Variants in TNXB observed in about 807,000 individuals in gnomAD.
The protein encoded by TNXB is tenascin-X.
Under a neutral mutation model 340.5 loss-of-function variants are expected in TNXB, and 183 were observed. The observed-to-expected ratio is 0.54, with a 90% CI of 0.48 to 0.61. TNXB has a LOEUF of 0.61. Ranked by LOEUF, TNXB falls within the 20% of genes least tolerant of loss-of-function variation. The pLI is 0.00. For synonymous variants in TNXB, 2,121 were observed against 2,314.5 expected, an observed-to-expected ratio of 0.92 and a Z score of 2.40; for missense variants, 4,613 against 5,446.4, an observed-to-expected ratio of 0.85 and a Z score of 4.82.
chr6:32,086,039 A>G lies in TNXB; in HGVS notation c.2859T>C (p.Ala953=). The stretch of plus-strand genomic sequence containing the variant: ...CCTGGGGGCGCTGCTGCAGGAGAGG[A>G]GCCTGGGCCCCTTGCGTCGTCGAGG... ...SGPSTTQGAQ[A]PLLQQRPQEL... is the part of the protein sequence containing the mutation. The change falls in exon 7 of 44, where the codon GCT becomes GCC. Residue 953 remains alanine, a synonymous_variant. Transcript: ENST00000644971. The G allele has an allele frequency of 7.5e-6, 12 of 1,604,082 alleles. No homozygotes were observed. Among genetic ancestry groups the G allele is most frequent in the Non-Finnish European group, 1.0e-5 (12 of 1,177,094 alleles).
chr6:32,089,225 G>A lies in TNXB; in HGVS notation c.2513C>T (p.Thr838Ile), dbSNP rs540991019. ...WGLPASKTIT[T>I]MIDGPQDLRV... is the part of the protein sequence containing the mutation. The stretch of plus-strand genomic sequence containing the variant: ...CTCCCCACAGCCCCAGCTCTCACTG[G>A]TGGTGATGGTCTTGGAGGCAGGAAG... Residue 838 changes from threonine to isoleucine, a missense_variant and splice_region_variant, in exon 5 of 44, where the codon ACC becomes ATC. Physicochemically the swap from Thr to Ile is moderately conservative, Grantham distance 89 (BLOSUM62 -1). Coordinates refer to ENST00000644971, the MANE Select transcript of TNXB (RefSeq NM_001365276.2). This position sits in a 1 kb window ranked among gnomAD's most constrained non-coding sequence, Gnocchi z 6.2. The A allele has an allele frequency of 6.3e-6, 10 of 1,598,360 alleles. No homozygotes were observed. The highest frequency in any genetic ancestry group is 5.6e-5 in the South Asian group (5 of 88,998).
Position 32,096,265 on chromosome 6 carries a change from C to A in TNXB, c.1588G>T (p.Gly530Trp), listed in dbSNP as rs868431028. ...CAAAGGCCGTGCCCACGGCAGTCCC[C>A]GGGACAGCGACGGCTCCCACAGTCC... ...GEDCGSRRCP[G>W]DCRGHGLCED... Residue 530 changes from glycine (G) to tryptophan (W), a missense_variant, in exon 3 of 44, where the codon GGG becomes TGG. Transcript: ENST00000644971. 3.2e-6 allele frequency: 5 copies of A among 1,563,124 alleles called. No homozygotes were observed. The African/African-American group carries it at 6.8e-5, about 21-fold the overall frequency.
Position 32,085,601 on chromosome 6 carries a change from C to T in TNXB, c.3148+149G>A. On this transcript the variant is annotated intron_variant, in intron 7 of 43. Transcript: ENST00000644971. The surrounding 1 kb of genome is among the most constrained non-coding windows in gnomAD (Gnocchi z 6.4). ...CATCTTCCTGCTGAACCTGCAATTC[C>T]TTTTCTCTCCTTTTCTCCTCTATCC... The T allele has an allele frequency of 1.1e-6, 1 of 910,760 alleles. No individual in the cohort carries two copies. The allele number at this position is 910,760 out of a possible 1,614,324, so 56.4% of individuals were successfully genotyped here.
rs1419368068 is a variant in TNXB at position 32,085,272 on chromosome 6, T to C, written c.3148+478A>G. On this transcript the variant is annotated intron_variant, in intron 7 of 43. Transcript: ENST00000644971. The surrounding 1 kb of genome is among the most constrained non-coding windows in gnomAD (Gnocchi z 6.4). ...AGGAGCCTTCACCCCCAGCAGAAACTGGCTGATGGGACCATGGACTGCTGT... is the reference window on the plus strand; with the variant it reads ...AGGAGCCTTCACCCCCAGCAGAAACCGGCTGATGGGACCATGGACTGCTGT... Among the ~76,000 whole-genome samples, 2 of 152,140 alleles carry C rather than the reference T, an allele frequency of 1.3e-5. No homozygotes were observed. Among genetic ancestry groups the C allele is most frequent in the Non-Finnish European group, 2.9e-5 (2 of 68,028 alleles).
chr6:32,094,777 C>T (rs993203687), intron 4 of TNXB, among the ~76,000 whole-genome samples: 3 of 152,150 alleles, frequency 2.0e-5, no homozygotes, highest in Admixed American at 6.5e-5. Flanking sequence ...TAGGGGCAGA[C>T]GGATTCTGCA....
intron 26 of TNXB, among the ~76,000 whole-genome samples, chr6:32,050,711 T>C (rs771778785): frequency 2.0e-4 from 30 of 151,968 alleles, no homozygotes; most frequent in Non-Finnish European, 4.0e-4. Context: ...GAGCCTGGGG[T>C]GTGTTCCTGG....
At position 32,097,197 on chromosome 6, in the gene TNXB, G is replaced by T. The variant is rs1477309355; in HGVS notation, c.656C>A (p.Pro219His). Residue 219 changes from proline to histidine, a missense_variant, in exon 3 of 44, where the codon CCC becomes CAC. Coordinates refer to ENST00000644971, the MANE Select transcript of TNXB (RefSeq NM_001365276.2). The surrounding 1 kb of genome is among the most constrained non-coding windows in gnomAD (Gnocchi z 5.9). ...TGPSCGWPSC[P>H]GDCQGRGRCV... is the part of the protein sequence containing the mutation. ...GCGCCCACGGCCTTGGCAGTCCCCGGGACAGGATGGCCAGCCACAGCTGGG... is the reference window on the plus strand; with the variant it reads ...GCGCCCACGGCCTTGGCAGTCCCCGTGACAGGATGGCCAGCCACAGCTGGG... 1 of 1,596,552 alleles carries T rather than the reference G, an allele frequency of 6.3e-7. No individual in the cohort carries two copies. Among genetic ancestry groups the T allele is most frequent in the Non-Finnish European group, 8.5e-7 (1 of 1,172,178 alleles).
rs544917997 is a variant in TNXB at position 32,053,852 on chromosome 6, T to C, written c.8468-141A>G. 893 of 1,012,572 alleles carry C rather than the reference T, an allele frequency of 8.8e-4. 6 individuals are homozygous for C. The highest frequency in any genetic ancestry group is 4.7e-3 in the South Asian group (284 of 59,834). The allele number at this position is 1,012,572 out of a possible 1,614,324, so 62.7% of individuals were successfully genotyped here. A position where few individuals can be genotyped will look rare whatever the true frequency, so the allele number is the denominator to read the frequency against. ...CAGCACAGCTCTTCATCCTCTCCTCTCCTGCGGCCTTTCCTATCCCTCACC... is the reference window on the plus strand; with the variant it reads ...CAGCACAGCTCTTCATCCTCTCCTCCCCTGCGGCCTTTCCTATCCCTCACC... On this transcript the variant is annotated intron_variant, in intron 24 of 43. Transcript: ENST00000644971.
Position 32,068,631 on chromosome 6 carries a change from C to G in TNXB, c.5979G>C (p.Leu1993=). Residue 1993 remains leucine, a synonymous_variant, in exon 17 of 44, where the codon CTG becomes CTC. Coordinates refer to ENST00000644971, the MANE Select transcript of TNXB (RefSeq NM_001365276.2). The surrounding 1 kb of genome is among the most constrained non-coding windows in gnomAD (Gnocchi z 5.3). The stretch of plus-strand genomic sequence containing the variant: ...AGTCAGGGGTGGCATCTGTCACGGT[C>G]AGCTCCCCCAGGCGAGGCTTGATGG... ...EPPIKPRLGE[L]TVTDATPDSL... 1 of 1,613,876 alleles carries G rather than the reference C, an allele frequency of 6.2e-7. No homozygotes were observed. The highest frequency in any genetic ancestry group is 8.5e-7 in the Non-Finnish European group (1 of 1,179,854).
chr6:32,085,692 T>C lies in TNXB; in HGVS notation c.3148+58A>G. On this transcript the variant is annotated intron_variant, in intron 7 of 43. Transcript: ENST00000644971. This position sits in a 1 kb window ranked among gnomAD's most constrained non-coding sequence, Gnocchi z 6.4. ...ATCCATCCTACCTCTGAAGTCCCAA[T>C]AACCCCAGCTCCTCCCCCAATCTCA... 2 of 1,473,666 alleles carry C rather than the reference T, an allele frequency of 1.4e-6. No individual in the cohort carries two copies. Among genetic ancestry groups the C allele is most frequent in the Non-Finnish European group, 1.8e-6 (2 of 1,111,366 alleles). 91.3% of individuals were successfully genotyped at this position (1,473,666 alleles called of 1,614,324 possible).
At chr6:32,063,929 G>A (rs1778175039) in intron 19 of TNXB, among the ~76,000 whole-genome samples, 1 of 152,212 alleles carries the variant, frequency 6.6e-6, no homozygotes, top group South Asian at 2.1e-4. Context: ...TAGTATCCAT[G>A]TTAACAGGAT....
chr6:32,097,360 G>A lies in TNXB; in HGVS notation c.493C>T (p.Pro165Ser). The A allele has an allele frequency of 1.2e-6, 2 of 1,612,656 alleles. No individual in the cohort carries two copies. The highest frequency in any genetic ancestry group is 2.2e-5 in the East Asian group (1 of 44,890). The change falls in exon 3 of 44, where the codon CCC (proline) becomes TCC (serine). Residue 165 changes from proline to serine, a missense_variant. Physicochemically the swap from Pro to Ser is moderately conservative, Grantham distance 74. Coordinates refer to ENST00000644971, the MANE Select transcript of TNXB (RefSeq NM_001365276.2). The surrounding 1 kb of genome is among the most constrained non-coding windows in gnomAD (Gnocchi z 5.9). ...TCSCEPGWGG[P>S]TCSDPTDAEI... is the part of the protein sequence containing the mutation. ...GCATCTGTGGGGTCTGAGCAGGTGG[G>A]CCCACCCCAGCCTGGCTCACAGGAA...
At chr6:32,056,213 G>A (rs551605715) in intron 23 of TNXB, 39 bp from the exon 24 acceptor site, 3 of 1,590,988 alleles carry the variant, frequency 1.9e-6, no homozygotes, top group African/African-American at 1.3e-5. Context: ...CAGGTGCCTG[G>A]GGGATGTGCT....
In TNXB at chr6:32,070,065, G is replaced by A; in HGVS notation, c.5278+62C>T. 4.1e-6 allele frequency: 6 copies of A among 1,474,364 alleles called. No individual in the cohort carries two copies. Among genetic ancestry groups the A allele is most frequent in the Non-Finnish European group, 5.4e-6 (6 of 1,117,602 alleles). The allele number at this position is 1,474,364 out of a possible 1,614,324, so 91.3% of individuals were successfully genotyped here. A position where few individuals can be genotyped will look rare whatever the true frequency, so the allele number is the denominator to read the frequency against. On this transcript the variant is annotated intron_variant, in intron 14 of 43. Transcript: ENST00000644971. This position sits in a 1 kb window ranked among gnomAD's most constrained non-coding sequence, Gnocchi z 6.0. ...ATAATGGTAATGGCAGCCACCACAA[G>A]TGACCGTCTGCTGCTTGGCCTGAGG... is the stretch of plus-strand genomic sequence containing the variant.
chr6:32,063,518 AC>A (rs1275869886), intron 19 of TNXB, among the ~76,000 whole-genome samples: 1 of 152,192 alleles, frequency 6.6e-6, no homozygotes, highest in Non-Finnish European at 1.5e-5. Context: ...ATTTTTAGAA[AC>A]CAACTTAGAT....
Position 32,090,186 on chromosome 6 carries a change from T to C in TNXB, c.2359-807A>G, listed in dbSNP as rs1780013506. On this transcript the variant is annotated intron_variant, in intron 4 of 43. Transcript: ENST00000644971. The surrounding 1 kb of genome is among the most constrained non-coding windows in gnomAD (Gnocchi z 4.3). Reference sequence around the variant, plus strand: ...GCATTGGAGACACAAAAATAAAATATATGGTCCCTGTCCTCAGGTAGCTGA... The same window carrying C: ...GCATTGGAGACACAAAAATAAAATACATGGTCCCTGTCCTCAGGTAGCTGA... Among the ~76,000 whole-genome samples, 1 of 152,222 alleles carries C rather than the reference T, an allele frequency of 6.6e-6. No homozygotes were observed. Among genetic ancestry groups the C allele is most frequent in the African/African-American group, 2.4e-5 (1 of 41,454 alleles).
rs1777274737 is a variant in TNXB, at chr6:32,051,368, C to G, written c.9116-1047G>C. ...ACAGGAACCCTAACTCTGAGCCTAA[C>G]CTCTGTGAGGATTCATGAATGCAAG... On this transcript the variant is annotated intron_variant, in intron 26 of 43. Coordinates refer to ENST00000644971, the MANE Select transcript of TNXB (RefSeq NM_001365276.2). This position sits in a 1 kb window ranked among gnomAD's most constrained non-coding sequence, Gnocchi z 4.7. Among the ~76,000 whole-genome samples the G allele has an allele frequency of 6.6e-6, 1 of 152,222 alleles. No individual in the cohort carries two copies. Among genetic ancestry groups the G allele is most frequent in the South Asian group, 2.1e-4 (1 of 4,826 alleles).
chr6:32,095,298 T>A, intron 3 of TNXB, 107 bp from the exon 4 acceptor site: 1 of 850,650 alleles, frequency 1.2e-6, no homozygotes, highest in South Asian at 1.6e-5. Flanking sequence ...TAACTCCCAC[T>A]CCTCTCTGCT....
At chr6:32,100,845 G>T (rs557157912) in intron 1 of TNXB, among the ~76,000 whole-genome samples, 24 of 152,164 alleles carry the variant, frequency 1.6e-4, no homozygotes, top group African/African-American at 5.3e-4. Flanking sequence ...ACTTTGGGAG[G>T]CTGAAGTGGG....
Sources: allele counts gnomAD v4.1 joint callset (sites outside exome capture counted in the v4.1 genomes callset), GRCh38; gene constraint gnomAD v4.1.1; non-coding constraint Gnocchi (gnomAD v3.1); transcripts MANE v1.5; gene names NCBI Gene and HGNC (gene_info 2026-07-23, HGNC 2026-07-21).